Variants in SEC61A2 observed in about 807,000 individuals in gnomAD.
The protein encoded by SEC61A2 is protein transport protein Sec61 subunit alpha isoform 2.
Under a neutral mutation model 59.9 loss-of-function variants are expected in SEC61A2, and 28 were observed. That is an observed-to-expected ratio of 0.47 (90% CI 0.35 to 0.64). SEC61A2 has a LOEUF of 0.64. SEC61A2 is among the 30% of genes least tolerant of loss of function. The probability of loss-of-function intolerance (pLI) is 0.01; values close to 1 mark genes in which losing one functional copy is unlikely to be tolerated. For synonymous variants in SEC61A2, 202 were observed against 214.4 expected (o/e 0.94, Z 0.50); for missense variants, 340 against 585.9 (o/e 0.58, Z 4.33).
chr10:12,142,736 G>A lies in SEC61A2; in HGVS notation c.142-381G>A, dbSNP rs1480290422. Among the ~76,000 whole-genome samples the A allele has an allele frequency of 2.6e-5, 4 of 152,142 alleles. No homozygotes were observed. The highest frequency in any genetic ancestry group is 5.9e-5 in the Non-Finnish European group (4 of 68,020). On this transcript the variant is annotated intron_variant, in intron 3 of 11. Transcript: ENST00000298428. The surrounding 1 kb of genome is among the most constrained non-coding windows in gnomAD (Gnocchi z 5.4). ...ATGTATTTACTAGTGAATGCACCAAGTGATGATTTGTTGTTTTTATTTTTA... is the reference window on the plus strand; with the variant it reads ...ATGTATTTACTAGTGAATGCACCAAATGATGATTTGTTGTTTTTATTTTTA...
rs190078893 is a variant in SEC61A2, at chr10:12,162,524, G to A, written c.1244+235G>A. 35 of 681,158 alleles carry A rather than the reference G, an allele frequency of 5.1e-5. 1 individual carries two copies. In the East Asian group the frequency reaches 8.6e-4, roughly 17 times the overall value. The allele number at this position is 681,158 out of a possible 1,614,324, so 42.2% of individuals were successfully genotyped here. On this transcript the variant is annotated intron_variant, in intron 11 of 11. Transcript: ENST00000298428. The surrounding 1 kb of genome is among the most constrained non-coding windows in gnomAD (Gnocchi z 6.1). ...TGATAAAATCTTGCAGATCAGTGCT[G>A]TTCTCAGCATTGGCTGGCTGCACAT...
rs1057350035 is a variant in SEC61A2, at chr10:12,153,201, G to A, written c.463-2577G>A. Among the ~76,000 whole-genome samples the A allele has an allele frequency of 3.7e-4, 57 of 152,236 alleles. No homozygotes were observed. The highest frequency in any genetic ancestry group is 1.3e-3 in the African/African-American group (56 of 41,546). On this transcript the variant is annotated intron_variant, in intron 6 of 11. Transcript: ENST00000298428. The surrounding 1 kb of genome is among the most constrained non-coding windows in gnomAD (Gnocchi z 5.2). The stretch of plus-strand genomic sequence containing the variant: ...GATGATATTCTGGAGTCTGATTTTA[G>A]TATCTTTCAGGGCTTAGGGTTTCTC...
Position 12,143,042 on chromosome 10 carries a change from T to C in SEC61A2, c.142-75T>C. 8.7e-7 allele frequency: 1 copy of C among 1,146,348 alleles called. No homozygotes were observed. Among genetic ancestry groups the C allele is most frequent in the Non-Finnish European group, 1.3e-6 (1 of 758,658 alleles). 71.0% of individuals were successfully genotyped at this position (1,146,348 alleles called of 1,614,324 possible). A position where few individuals can be genotyped will look rare whatever the true frequency, so the allele number is the denominator to read the frequency against. ...ATCTCAGCTCACTGCAGCCTTTGCC[T>C]CCTGGGTTCAAGCGATTCTTATGCC... is the stretch of plus-strand genomic sequence containing the variant. On this transcript the variant is annotated intron_variant, in intron 3 of 11. Transcript: ENST00000298428. This position sits in a 1 kb window ranked among gnomAD's most constrained non-coding sequence, Gnocchi z 4.8.
chr10:12,166,946 C>A, downstream of SEC61A2: 1 of 255,252 alleles, frequency 3.9e-6, no homozygotes. Context: ...CAAGATATTA[C>A]TGCCCCAAAC....
At chr10:12,140,292 C>A (rs780518438) in intron 3 of SEC61A2, among the ~76,000 whole-genome samples, 5 of 152,130 alleles carry the variant, frequency 3.3e-5, no homozygotes, top group Non-Finnish European at 7.4e-5. Flanking sequence ...TAATGGCCAC[C>A]TGCTTAGAGT....
At chr10:12,138,637 CT>C (rs1220358489) in intron 3 of SEC61A2, among the ~76,000 whole-genome samples, 1 of 152,160 alleles carries the variant, frequency 6.6e-6, no homozygotes, top group East Asian at 1.9e-4. Flanking sequence ...GTAGTATATT[CT>C]TTAGTGTCTA....
In SEC61A2 at chr10:12,162,205, C is replaced by T; in HGVS notation, c.1168-8C>T. 3 of 1,612,382 alleles carry T rather than the reference C, an allele frequency of 1.9e-6. No individual in the cohort carries two copies. Among genetic ancestry groups the T allele is most frequent in the Non-Finnish European group, 2.5e-6 (3 of 1,179,002 alleles). Reference sequence around the variant, plus strand: ...GTTGGATTTTGAAAGTCGTTTTTCTCTCGGCAGGTAGCTAAACAGCTGAAA... The same window carrying T: ...GTTGGATTTTGAAAGTCGTTTTTCTTTCGGCAGGTAGCTAAACAGCTGAAA... On this transcript the variant is annotated splice_region_variant and splice_polypyrimidine_tract_variant and intron_variant, in intron 10 of 11. Transcript: ENST00000298428. The surrounding 1 kb of genome is among the most constrained non-coding windows in gnomAD (Gnocchi z 6.1).
chr10:12,130,928 T>G (rs1262807015), intron 1 of SEC61A2: 1 of 152,260 alleles, frequency 6.6e-6, no homozygotes, highest in Non-Finnish European at 1.5e-5. Flanking sequence ...ATCCCAGCAC[T>G]TTGGGAGGCC....
chr10:12,153,847 G>A lies in SEC61A2; in HGVS notation c.463-1931G>A. 1 of 1,554,976 alleles carries A rather than the reference G, an allele frequency of 6.4e-7. No individual in the cohort carries two copies. Among genetic ancestry groups the A allele is most frequent in the Non-Finnish European group, 8.7e-7 (1 of 1,147,298 alleles). On this transcript the variant is annotated intron_variant, in intron 6 of 11. Coordinates refer to ENST00000298428, the MANE Select transcript of SEC61A2 (RefSeq NM_018144.4). The surrounding 1 kb of genome is among the most constrained non-coding windows in gnomAD (Gnocchi z 5.2). The stretch of plus-strand genomic sequence containing the variant: ...AACTGTTTGCATGCCGTTGTGGAAG[G>A]TATTTCTCACCTTATTTGTTTATGT...
Position 12,162,519 on chromosome 10 carries a change from G to A in SEC61A2, c.1244+230G>A. The A allele has an allele frequency of 1.4e-6, 1 of 695,308 alleles. No individual in the cohort carries two copies. The highest frequency in any genetic ancestry group is 2.7e-6 in the Non-Finnish European group (1 of 373,154). The allele number at this position is 695,308 out of a possible 1,614,324, so 43.1% of individuals were successfully genotyped here. ...CCCAGTGATAAAATCTTGCAGATCAGTGCTGTTCTCAGCATTGGCTGGCTG... is the reference window on the plus strand; with the variant it reads ...CCCAGTGATAAAATCTTGCAGATCAATGCTGTTCTCAGCATTGGCTGGCTG... On this transcript the variant is annotated intron_variant, in intron 11 of 11. Coordinates refer to ENST00000298428, the MANE Select transcript of SEC61A2 (RefSeq NM_018144.4). The surrounding 1 kb of genome is among the most constrained non-coding windows in gnomAD (Gnocchi z 6.1).
In SEC61A2 at chr10:12,162,074, T is replaced by A. The variant is rs1018532685; in HGVS notation, c.1168-139T>A. ...GAAGCTTTGGTTTCCTCAGGCTTAA[T>A]GCGAATGATATGACAATGCAACTTT... On this transcript the variant is annotated intron_variant, in intron 10 of 11. Coordinates refer to ENST00000298428, the MANE Select transcript of SEC61A2 (RefSeq NM_018144.4). The surrounding 1 kb of genome is among the most constrained non-coding windows in gnomAD (Gnocchi z 6.1). The A allele has an allele frequency of 1.4e-6, 1 of 717,860 alleles. No individual in the cohort carries two copies. Among genetic ancestry groups the A allele is most frequent in the East Asian group, 2.5e-5 (1 of 40,122 alleles). 44.5% of individuals were successfully genotyped at this position (717,860 alleles called of 1,614,324 possible). A position where few individuals can be genotyped will look rare whatever the true frequency, so the allele number is the denominator to read the frequency against.
chr10:12,141,252 A>C (rs1258588614), intron 3 of SEC61A2, among the ~76,000 whole-genome samples: 1 of 152,204 alleles, frequency 6.6e-6, no homozygotes, highest in Non-Finnish European at 1.5e-5. Context: ...TGCACATAAA[A>C]TATCCATGTT....
chr10:12,140,833 C>T (rs1051909587), intron 3 of SEC61A2, among the ~76,000 whole-genome samples: 3 of 151,872 alleles, frequency 2.0e-5, no homozygotes, highest in African/African-American at 7.3e-5. Flanking sequence ...ATTTCCTGAC[C>T]TCATGATCCA....
In SEC61A2 at chr10:12,149,971, C is replaced by T. The variant is rs996098657; in HGVS notation, c.462+10C>T. 6.5e-7 allele frequency: 1 copy of T among 1,538,526 alleles called. No individual in the cohort carries two copies. Among genetic ancestry groups the T allele is most frequent in the Non-Finnish European group, 9.0e-7 (1 of 1,111,294 alleles). On this transcript the variant is annotated intron_variant, in intron 6 of 11. Transcript: ENST00000298428. This position sits in a 1 kb window ranked among gnomAD's most constrained non-coding sequence, Gnocchi z 5.2. ...CCTGATCATCATTCAGGTAAGAAATCCTATATTTTCCTATGCAGATAACAA... is the reference window on the plus strand; with the variant it reads ...CCTGATCATCATTCAGGTAAGAAATTCTATATTTTCCTATGCAGATAACAA...
Position 12,149,886 on chromosome 10 carries a change from T to C in SEC61A2, c.387T>C (p.Ile129=). 1.2e-6 allele frequency: 2 copies of C among 1,614,126 alleles called. No homozygotes were observed. Among genetic ancestry groups the C allele is most frequent in the East Asian group, 2.2e-5 (1 of 44,886 alleles). Residue 129 remains isoleucine (I), a synonymous_variant, in exon 6 of 12, where the codon ATT becomes ATC. Transcript: ENST00000298428. This position sits in a 1 kb window ranked among gnomAD's most constrained non-coding sequence, Gnocchi z 5.2. ...TGATCATTACCATTGGGCAAGCCAT[T>C]GTGTATGTCATGACGGGGATGTATG... ...FGMIITIGQA[I]VYVMTGMYGD...
In SEC61A2 at chr10:12,155,473, G is replaced by A. The variant is rs1834375446; in HGVS notation, c.463-305G>A. On this transcript the variant is annotated intron_variant, in intron 6 of 11. Coordinates refer to ENST00000298428, the MANE Select transcript of SEC61A2 (RefSeq NM_018144.4). The surrounding 1 kb of genome is among the most constrained non-coding windows in gnomAD (Gnocchi z 4.3). ...AATACTGTGATCATTTTTTGTTTCA[G>A]TGTGCTTTTCAAACAGGCTTTATTT... 2.2e-6 allele frequency: 2 copies of A among 902,600 alleles called. No individual in the cohort carries two copies. The highest frequency in any genetic ancestry group is 3.4e-5 in the African/African-American group (2 of 59,430). 55.9% of individuals were successfully genotyped at this position (902,600 alleles called of 1,614,324 possible).
rs908339127 is a variant in SEC61A2, at chr10:12,155,321, G to A, written c.463-457G>A. ...ATGCTTTTTTCAAAGGATCAACACAGCCCTTAGACTTATCCTTTGATGGCA... is the reference window on the plus strand; with the variant it reads ...ATGCTTTTTTCAAAGGATCAACACAACCCTTAGACTTATCCTTTGATGGCA... On this transcript the variant is annotated intron_variant, in intron 6 of 11. Transcript: ENST00000298428. The surrounding 1 kb of genome is among the most constrained non-coding windows in gnomAD (Gnocchi z 4.3). The A allele has an allele frequency of 6.3e-7, 1 of 1,575,420 alleles. No individual in the cohort carries two copies. The highest frequency in any genetic ancestry group is 1.8e-5 in the Admixed American group (1 of 55,804).
rs1834051735 is a variant in SEC61A2 at position 12,142,832 on chromosome 10, T to C, written c.142-285T>C. 6.6e-6 allele frequency among the ~76,000 whole-genome samples: 1 copy of C among 152,216 alleles called. No homozygotes were observed. Among genetic ancestry groups the C allele is most frequent in the Non-Finnish European group, 1.5e-5 (1 of 68,044 alleles). ...TCTATGTGATGGAATGTTTTTCTTT[T>C]TATTTTCTTTTTAATAAACAGCTTT... On this transcript the variant is annotated intron_variant, in intron 3 of 11. Transcript: ENST00000298428. This position sits in a 1 kb window ranked among gnomAD's most constrained non-coding sequence, Gnocchi z 5.4.
At position 12,156,753 on chromosome 10, in the gene SEC61A2, A is replaced by C. The variant is rs541381213; in HGVS notation, c.617-154A>C. Among the ~76,000 whole-genome samples, 1 of 152,358 alleles carries C rather than the reference A, an allele frequency of 6.6e-6. No individual in the cohort carries two copies. Among genetic ancestry groups the C allele is most frequent in the Non-Finnish European group, 1.5e-5 (1 of 68,034 alleles). On this transcript the variant is annotated intron_variant, in intron 7 of 11. Coordinates refer to ENST00000298428, the MANE Select transcript of SEC61A2 (RefSeq NM_018144.4). The surrounding 1 kb of genome is among the most constrained non-coding windows in gnomAD (Gnocchi z 5.2). ...GCCTCAATGATCTAAATATTTGTAG[A>C]ACCTGCTCACATGGCTATATCATAA...
Sources: allele counts gnomAD v4.1 joint callset (sites outside exome capture counted in the v4.1 genomes callset), GRCh38; gene constraint gnomAD v4.1.1; non-coding constraint Gnocchi (gnomAD v3.1); transcripts MANE v1.5; gene names NCBI Gene and HGNC (gene_info 2026-07-23, HGNC 2026-07-21).